The following GLIS3 variants were observed in gnomAD, a reference collection of about 807,000 sequenced individuals.
The protein encoded by GLIS3 is GLIS family zinc finger 3.
A neutral mutation model predicts 78.6 loss-of-function variants in GLIS3; 53 were observed. The observed-to-expected ratio is 0.67, with a 90% CI of 0.54 to 0.85. The LOEUF is 0.85. Among genes scored for constraint, GLIS3 ranks in the 40% least tolerant of loss-of-function variants. The pLI, the probability that GLIS3 is intolerant of heterozygous loss-of-function variation, is 0.00. For missense variants in GLIS3, 1,703 were observed against 1,231.1 expected (o/e 1.38, Z -5.74); for synonymous variants, 684 against 509.9 (o/e 1.34, Z -4.60).
At position 3,946,532 on chromosome 9, in the gene GLIS3, G is replaced by C. The variant is rs141550632; in HGVS notation, c.1711-9343C>G. On this transcript the variant is annotated intron_variant, in intron 4 of 10. Transcript: ENST00000381971. ...AGATGCTGAATTTTCATGTCCTATA[G>C]AACTACTGTAAAATGTATCTTTAAA... Among the ~76,000 whole-genome samples the C allele has an allele frequency of 6.2e-3, 948 of 152,252 alleles. 21 individuals are homozygous for C. Among genetic ancestry groups the C allele is most frequent in the African/African-American group, 0.021 (882 of 41,544 alleles).
At chr9:4,320,889 G>A (rs1414705119) in intron 2 of GLIS3, among the ~76,000 whole-genome samples, 1 of 152,098 alleles carries the variant, frequency 6.6e-6, no homozygotes, top group Non-Finnish European at 1.5e-5. Context: ...ACTGAAGGCA[G>A]GTAAGTTTTT....
At chr9:4,294,322 A>T (rs1328794782) in intron 1 of GLIS3, among the ~76,000 whole-genome samples, 1 of 152,188 alleles carries the variant, frequency 6.6e-6, no homozygotes, top group Non-Finnish European at 1.5e-5. Context: ...CAGTCTGACT[A>T]ACACAGTGAA....
intron 2 of GLIS3, among the ~76,000 whole-genome samples, chr9:4,325,332 C>CT (rs1169981607): frequency 1.3e-5 from 2 of 152,158 alleles, no homozygotes; most frequent in Non-Finnish European, 2.9e-5. Context: ...TAGAGTACCC[C>CT]TTAATGTGGT....
intron 8 of GLIS3, among the ~76,000 whole-genome samples, chr9:3,859,695 C>G (rs1327672916): frequency 3.3e-5 from 5 of 152,194 alleles, no homozygotes; most frequent in Non-Finnish European, 7.3e-5. Context: ...AGCTGCTGAT[C>G]TGCAGTTGAC....
the GLIS3 span, among the ~76,000 whole-genome samples, chr9:4,458,971 C>T: frequency 1.1e-4 from 17 of 152,180 alleles, no homozygotes; most frequent in South Asian, 1.0e-3. Context: ...AGAAAGGTAG[C>T]GATGGCCTTA....
intron 5 of GLIS3, 91 bp downstream of exon 5, chr9:3,936,937 T>C (rs112591733): frequency 8.3e-6 from 13 of 1,561,762 alleles, no homozygotes; most frequent in Non-Finnish European, 1.1e-5. Flanking sequence ...CTGCAGACCA[T>C]AAAGCAAACA....
At chr9:4,174,555 C>CTA (rs1027574112) in intron 2 of GLIS3, among the ~76,000 whole-genome samples, 8 of 152,096 alleles carry the variant, frequency 5.3e-5, no homozygotes, top group African/African-American at 1.4e-4. Context: ...AAAATGATTC[C>CTA]TATATATATA....
chr9:3,948,053 T>A (rs1220629538), intron 4 of GLIS3, among the ~76,000 whole-genome samples: 1 of 152,226 alleles, frequency 6.6e-6, no homozygotes, highest in Non-Finnish European at 1.5e-5. Context: ...CTCAGAGTGA[T>A]GCCTTCACTG....
intron 2 of GLIS3, among the ~76,000 whole-genome samples, chr9:4,150,221 G>C (rs1564120867): frequency 6.6e-6 from 1 of 152,124 alleles, no homozygotes; most frequent in Non-Finnish European, 1.5e-5. Context: ...AGCTGAAAGG[G>C]GGTCTTTTCT....
the GLIS3 span, among the ~76,000 whole-genome samples, chr9:4,437,402 C>CTGTA: frequency 0.22 from 26,718 of 123,672 alleles, 2,631 homozygotes; most frequent in East Asian, 0.27. Context: ...AGGTATTTGA[C>CTGTA]TGTATGTATG....
At chr9:3,894,831 A>C (rs1369469861) in intron 7 of GLIS3, among the ~76,000 whole-genome samples, 1 of 152,228 alleles carries the variant, frequency 6.6e-6, no homozygotes, top group Non-Finnish European at 1.5e-5. Flanking sequence ...AATTGGAATC[A>C]ATAAAATTCC....
In GLIS3 at chr9:3,825,509, T is replaced by A. The variant is rs1296040006; in HGVS notation, c.*2763A>T. On this transcript the variant is annotated 3_prime_UTR_variant, in exon 11 of 11. Transcript: ENST00000381971. ...GCACTAGTTTTGTGTTTTGTTTCTG[T>A]TTTTAAGGGGAATGACAATCTCTGT... 1 of 152,144 alleles carries A rather than the reference T, an allele frequency of 6.6e-6. No individual in the cohort carries two copies. Among genetic ancestry groups the A allele is most frequent in the East Asian group, 1.9e-4 (1 of 5,196 alleles). The allele number at this position is 152,144 out of a possible 1,614,324, so 9.4% of individuals were successfully genotyped here. A position where few individuals can be genotyped will look rare whatever the true frequency, so the allele number is the denominator to read the frequency against.
intron 2 of GLIS3, among the ~76,000 whole-genome samples, chr9:4,335,014 T>G (rs1817738432): frequency 6.8e-6 from 1 of 147,146 alleles, no homozygotes; most frequent in Non-Finnish European, 1.5e-5. Flanking sequence ...GTTCATGCCA[T>G]TCTCCTGCCT....
chr9:4,460,206 T>C, the GLIS3 span, among the ~76,000 whole-genome samples: 6 of 152,066 alleles, frequency 3.9e-5, no homozygotes, highest in Non-Finnish European at 5.9e-5. Flanking sequence ...ATTCTTGAAA[T>C]ATAAATGTGG....
chr9:4,280,494 T>G (rs992366100), intron 2 of GLIS3, among the ~76,000 whole-genome samples: 10 of 152,050 alleles, frequency 6.6e-5, no homozygotes, highest in African/African-American at 2.4e-4. Context: ...TTGAGAGAGA[T>G]AAAAGAGGCA....
chr9:4,406,580 T>C, the GLIS3 span, among the ~76,000 whole-genome samples: 1 of 152,118 alleles, frequency 6.6e-6, no homozygotes, highest in Non-Finnish European at 1.5e-5. Flanking sequence ...AAAAAACTAT[T>C]TGAACTGATA....
At chr9:4,283,615 C>A (rs552235860) in intron 2 of GLIS3, among the ~76,000 whole-genome samples, 4 of 152,280 alleles carry the variant, frequency 2.6e-5, no homozygotes, top group African/African-American at 7.2e-5. Flanking sequence ...TTATCCAACT[C>A]CTTGAGGGAA....
At position 3,825,241 on chromosome 9, in the gene GLIS3, TTTC is replaced by T. The variant is rs1196614157; in HGVS notation, c.*3028_*3030del. The T allele has an allele frequency of 1.3e-5, 2 of 152,182 alleles. No individual in the cohort carries two copies. Among genetic ancestry groups the T allele is most frequent in the Admixed American group, 6.5e-5 (1 of 15,282 alleles). The allele number at this position is 152,182 out of a possible 1,614,324, so 9.4% of individuals were successfully genotyped here. ...CTGTGATCTACTAAAGACCTTTTTT[TTTC>T]TTCTTATTTTATGATCGCTTATGTA... On this transcript the variant is annotated 3_prime_UTR_variant, in exon 11 of 11. Transcript: ENST00000381971.
intron 1 of GLIS3, among the ~76,000 whole-genome samples, chr9:4,297,933 G>A (rs2130455114): frequency 6.8e-6 from 1 of 146,830 alleles, no homozygotes; most frequent in African/African-American, 2.5e-5. Context: ...TCCTCGGCGC[G>A]GAGCTAGGGG....
Sources: gnomAD v4.1 joint callset for allele counts (sites outside exome capture counted in the v4.1 genomes callset) on GRCh38, gnomAD v4.1.1 for gene constraint, MANE v1.5 for transcripts, NCBI Gene and HGNC (gene_info 2026-07-23, HGNC 2026-07-21) for gene names.